Variants in NTRK3 observed in about 807,000 individuals in gnomAD.
NTRK3 encodes the protein neurotrophic receptor tyrosine kinase 3.
NTRK3 carries 24 observed loss-of-function variants against 91.7 expected under a neutral mutation model. The ratio of observed to expected loss-of-function variants is 0.26; its 90% CI spans 0.19 to 0.37. NTRK3 has a LOEUF of 0.37. Ranked by LOEUF, NTRK3 falls within the 10% of genes least tolerant of loss-of-function variation. The pLI is 1.00. For synonymous variants in NTRK3, 483 were observed against 404.0 expected, an observed-to-expected ratio of 1.20 and a Z score of -2.34; for missense variants, 880 against 1,068.9, an observed-to-expected ratio of 0.82 and a Z score of 2.46.
At chr15:87,941,954 G>A (rs9944184) in intron 14 of NTRK3, among the ~76,000 whole-genome samples, 33,260 of 152,206 alleles carry the variant, frequency 0.22, 3,689 homozygotes, top group South Asian at 0.25. Flanking sequence ...GCCAAAAAGT[G>A]GATTATCCCA....
chr15:87,961,588 G>T (rs1319640495), intron 14 of NTRK3, among the ~76,000 whole-genome samples: 1 of 152,274 alleles, frequency 6.6e-6, no homozygotes, highest in Non-Finnish European at 1.5e-5. Flanking sequence ...AGATGGGAAA[G>T]TTAATCAGGC....
At chr15:88,039,013 G>A (rs552224912) in intron 13 of NTRK3, among the ~76,000 whole-genome samples, 4 of 152,128 alleles carry the variant, frequency 2.6e-5, no homozygotes, top group African/African-American at 9.6e-5. Context: ...AGTAATAGGG[G>A]GAAAAATATC....
At chr15:88,054,947 G>A (rs763962821) in intron 13 of NTRK3, among the ~76,000 whole-genome samples, 4 of 152,126 alleles carry the variant, frequency 2.6e-5, no homozygotes, top group Non-Finnish European at 5.9e-5. Flanking sequence ...GAGAGATGTA[G>A]ATCTTTGCCC....
chr15:87,900,982 G>A (rs770255604), intron 17 of NTRK3, among the ~76,000 whole-genome samples: 3 of 152,134 alleles, frequency 2.0e-5, no homozygotes, highest in Non-Finnish European at 4.4e-5. Flanking sequence ...AGAGCTCTGA[G>A]GTCCACTTCG....
chr15:88,163,214 A>G (rs750184978), intron 5 of NTRK3, among the ~76,000 whole-genome samples: 3 of 152,166 alleles, frequency 2.0e-5, no homozygotes, highest in Admixed American at 6.5e-5. Flanking sequence ...AGCAATTCAT[A>G]TTATCTATGA....
intron 13 of NTRK3, among the ~76,000 whole-genome samples, chr15:88,054,554 G>A (rs1329066880): frequency 6.6e-6 from 1 of 152,156 alleles, no homozygotes; most frequent in Non-Finnish European, 1.5e-5. Flanking sequence ...CAATTAGACA[G>A]TTAGAATTAA....
intron 5 of NTRK3, among the ~76,000 whole-genome samples, chr15:88,179,252 A>G (rs1181625715): frequency 6.6e-6 from 1 of 152,220 alleles, no homozygotes; most frequent in Non-Finnish European, 1.5e-5. Context: ...AGTAATGACT[A>G]GCAAAACATA....
chr15:87,937,942 G>A (rs1420541933), intron 15 of NTRK3, among the ~76,000 whole-genome samples: 5 of 151,764 alleles, frequency 3.3e-5, no homozygotes, highest in Non-Finnish European at 4.4e-5. Context: ...AGGTTCACCC[G>A]GGACAGAGTA....
chr15:88,167,767 A>T (rs2045121332), intron 5 of NTRK3, among the ~76,000 whole-genome samples: 2 of 152,248 alleles, frequency 1.3e-5, no homozygotes, highest in South Asian at 4.2e-4. Flanking sequence ...CACTTCACAG[A>T]CGCTTTGGGA....
At chr15:87,867,339 G>T (rs1596032816) in exon 19 of NTRK3, 1 of 228,066 alleles carries the variant, frequency 4.4e-6, no homozygotes, top group East Asian at 6.3e-5. Context: ...TAAAGGGTGG[G>T]GTGGGGAGCA....
chr15:88,032,943 G>T (rs960610021), exon 14 of NTRK3: 5 of 1,613,538 alleles, frequency 3.1e-6, no homozygotes, highest in Non-Finnish European at 4.2e-6. Flanking sequence ...AATGACCACA[G>T]TGTCGGGCCC....
intron 14 of NTRK3, among the ~76,000 whole-genome samples, chr15:87,973,016 T>C (rs2073386359): frequency 6.6e-6 from 1 of 152,226 alleles, no homozygotes. Flanking sequence ...TTGCCTCTGA[T>C]ATCTTCCTTG....
chr15:88,192,656 A>G (rs2047503765), intron 3 of NTRK3, among the ~76,000 whole-genome samples: 1 of 152,182 alleles, frequency 6.6e-6, no homozygotes, highest in African/African-American at 2.4e-5. Context: ...GCTGGCCACC[A>G]GATGCCTCTA....
chr15:88,166,839 CAAG>C (rs1167125840), intron 5 of NTRK3, among the ~76,000 whole-genome samples: 3 of 152,136 alleles, frequency 2.0e-5, no homozygotes, highest in Admixed American at 6.5e-5. Flanking sequence ...ATGTATAAAA[CAAG>C]AAGATGGATT....
At chr15:88,054,394 C>T (rs1407793147) in intron 13 of NTRK3, among the ~76,000 whole-genome samples, 1 of 152,148 alleles carries the variant, frequency 6.6e-6, no homozygotes, top group Non-Finnish European at 1.5e-5. Context: ...TCATTCCTGG[C>T]ATTCAGCCCC....
intron 3 of NTRK3, among the ~76,000 whole-genome samples, chr15:88,197,120 A>C (rs916702746): frequency 1.3e-5 from 2 of 148,214 alleles, no homozygotes; most frequent in Admixed American, 6.7e-5. Flanking sequence ...AAAAAAAAAA[A>C]AAAAAAACCT....
chr15:88,082,854 T>A (rs2048178324), intron 13 of NTRK3, among the ~76,000 whole-genome samples: 1 of 152,148 alleles, frequency 6.6e-6, no homozygotes, highest in African/African-American at 2.4e-5. Flanking sequence ...TTTATCTCTT[T>A]TACACAGGGG....
chr15:88,147,097 T>A (rs2042953406), intron 6 of NTRK3, among the ~76,000 whole-genome samples: 1 of 152,154 alleles, frequency 6.6e-6, no homozygotes, highest in Admixed American at 6.5e-5. Flanking sequence ...AACTAAGTCA[T>A]AATAAAAGAA....
chr15:88,193,990 A>G (rs963709448), intron 3 of NTRK3, among the ~76,000 whole-genome samples: 5 of 151,838 alleles, frequency 3.3e-5, no homozygotes, highest in African/African-American at 1.2e-4. Context: ...CGATCCTACT[A>G]CTCTACTGAA....
Sources: allele counts gnomAD v4.1 joint callset (sites outside exome capture counted in the v4.1 genomes callset), GRCh38; gene constraint gnomAD v4.1.1; transcripts MANE v1.5; gene names NCBI Gene and HGNC (gene_info 2026-07-23, HGNC 2026-07-21).